Variants in RAB11FIP3 observed in about 807,000 individuals in gnomAD.
RAB11FIP3 encodes RAB11 family interacting protein 3, also known as rab11 family-interacting protein 3.
A neutral mutation model predicts 77.8 loss-of-function variants in RAB11FIP3; 17 were observed. The observed-to-expected ratio is 0.22, with a 90% CI of 0.15 to 0.33. The LOEUF (loss-of-function observed/expected upper bound fraction) is 0.33, where lower values mean the gene tolerates loss of function less well. Among genes scored for constraint, RAB11FIP3 ranks in the 10% least tolerant of loss-of-function variants. The pLI is 1.00. For synonymous variants in RAB11FIP3, 437 were observed against 448.2 expected (o/e 0.98, Z 0.31); for missense variants, 1,005 against 1,011.2 (o/e 0.99, Z 0.08).
chr16:493,563 C>T (rs977932345), intron 5 of RAB11FIP3, among the ~76,000 whole-genome samples: 12 of 152,154 alleles, frequency 7.9e-5, no homozygotes, highest in African/African-American at 2.9e-4. Context: ...AAATACATTT[C>T]ATTTTGTAGG....
chr16:467,938 A>T (rs371358338), intron 2 of RAB11FIP3, among the ~76,000 whole-genome samples: 100 of 12,998 alleles, frequency 7.7e-3, no homozygotes, highest in Admixed American at 0.014. Context: ...GAGGAGGTGC[A>T]GGGGCGTCAG....
rs201535149 is a variant in RAB11FIP3, at chr16:496,819, C to T, written c.1266-5C>T. Reference sequence around the variant, plus strand: ...ATTTTCCTGTTTATTTTGTTTTCTGCACAGTCCGACAAAGCGGCTCTCCAG... The same window carrying T: ...ATTTTCCTGTTTATTTTGTTTTCTGTACAGTCCGACAAAGCGGCTCTCCAG... On this transcript the variant is annotated splice_polypyrimidine_tract_variant and splice_region_variant and intron_variant, in intron 5 of 13. Transcript: ENST00000262305. 3.4e-5 allele frequency: 54 copies of T among 1,591,344 alleles called. No homozygotes were observed. The highest frequency in any genetic ancestry group is 4.5e-5 in the Non-Finnish European group (52 of 1,159,642).
At chr16:484,156 C>T (rs962814955) in intron 4 of RAB11FIP3, among the ~76,000 whole-genome samples, 2 of 152,140 alleles carry the variant, frequency 1.3e-5, no homozygotes, top group African/African-American at 2.4e-5. Flanking sequence ...AAGTGCACAG[C>T]CAGCAGGTTT....
intron 1 of RAB11FIP3, among the ~76,000 whole-genome samples, chr16:441,543 A>T (rs1431995780): frequency 6.6e-6 from 1 of 152,146 alleles, no homozygotes; most frequent in African/African-American, 2.4e-5. Flanking sequence ...AACAGTCATA[A>T]AATAATCGCT....
intron 9 of RAB11FIP3, among the ~76,000 whole-genome samples, chr16:512,530 G>A (rs1176092964): frequency 3.5e-5 from 5 of 143,988 alleles, no homozygotes; most frequent in African/African-American, 5.2e-5. Context: ...ATGAGCCATC[G>A]CGCCCGGCCT....
intron 6 of RAB11FIP3, among the ~76,000 whole-genome samples, chr16:498,549 C>T (rs886687671): frequency 5.9e-5 from 9 of 152,114 alleles, no homozygotes; most frequent in Non-Finnish European, 1.3e-4. Flanking sequence ...CAGTCTTGCT[C>T]TGTCTTGCTC....
At chr16:473,354 G>A (rs577856026) in intron 3 of RAB11FIP3, among the ~76,000 whole-genome samples, 2 of 152,144 alleles carry the variant, frequency 1.3e-5, no homozygotes, top group Non-Finnish European at 2.9e-5. Context: ...AAATGAATAT[G>A]CTTCATGTTT....
intron 1 of RAB11FIP3, among the ~76,000 whole-genome samples, chr16:447,477 A>G (rs1286619294): frequency 6.6e-6 from 1 of 152,032 alleles, no homozygotes; most frequent in Non-Finnish European, 1.5e-5. Flanking sequence ...AGTGGCTCAC[A>G]CCTGTAATCC....
At chr16:449,743 G>T (rs914417803) in intron 1 of RAB11FIP3, among the ~76,000 whole-genome samples, 14 of 151,860 alleles carry the variant, frequency 9.2e-5, no homozygotes, top group African/African-American at 3.4e-4. Flanking sequence ...CTTGAGGTCA[G>T]GAGTTTGAGA....
Position 514,694 on chromosome 16 carries a change from C to T in RAB11FIP3, c.1640+3894C>T, listed in dbSNP as rs1261000749. On this transcript the variant is annotated intron_variant, in intron 9 of 13. Coordinates refer to ENST00000262305, the MANE Select transcript of RAB11FIP3 (RefSeq NM_014700.4). The surrounding 1 kb of genome is among the most constrained non-coding windows in gnomAD (Gnocchi z 4.6). ...GCCCGGGAGAGGTTCTAGGAAAGGCCAGGTACCTCTGGGAGTGGGGCCCCC... is the reference window on the plus strand; with the variant it reads ...GCCCGGGAGAGGTTCTAGGAAAGGCTAGGTACCTCTGGGAGTGGGGCCCCC... Among the ~76,000 whole-genome samples, 1 of 152,204 alleles carries T rather than the reference C, an allele frequency of 6.6e-6. No individual in the cohort carries two copies. Among genetic ancestry groups the T allele is most frequent in the Non-Finnish European group, 1.5e-5 (1 of 68,036 alleles).
chr16:492,360 T>TCCCGGGAGACCCGAGGCCGTCCAGAGCC lies in RAB11FIP3; in HGVS notation c.1265+3361_1265+3362insCCGGGAGACCCGAGGCCGTCCAGAGCCC. Among the ~76,000 whole-genome samples, 12 of 25,634 alleles carry TCCCGGGAGACCCGAGGCCGTCCAGAGCC rather than the reference T, an allele frequency of 4.7e-4. 1 individual carries two copies. Among genetic ancestry groups the TCCCGGGAGACCCGAGGCCGTCCAGAGCC allele is most frequent in the Middle Eastern group, 0.021 (1 of 48 alleles). 16.8% of individuals were successfully genotyped at this position (25,634 alleles called of 152,430 possible). A position where few individuals can be genotyped will look rare whatever the true frequency, so the allele number is the denominator to read the frequency against. On this transcript the variant is annotated intron_variant, in intron 5 of 13. Coordinates refer to ENST00000262305, the MANE Select transcript of RAB11FIP3 (RefSeq NM_014700.4). ...AAGCAGAAGTGCTCTTTGAAGAGGG[T>TCCCGGGAGACCCGAGGCCGTCCAGAGCC]CTTCCCGGGAGACCCGAGGCCGCCC...
chr16:457,052 G>A (rs746131151), intron 1 of RAB11FIP3, among the ~76,000 whole-genome samples: 1 of 152,040 alleles, frequency 6.6e-6, no homozygotes, highest in Non-Finnish European at 1.5e-5. Flanking sequence ...GCTTATTATT[G>A]CTGTGGTTTC....
At chr16:497,319 T>C (rs1054625273) in intron 6 of RAB11FIP3, 16 of 1,304,136 alleles carry the variant, frequency 1.2e-5, no homozygotes, top group Admixed American at 1.1e-4. Context: ...GGCTTCCTGC[T>C]GTGAAAGATG....
chr16:500,401 AG>A (rs1399581514), intron 6 of RAB11FIP3, among the ~76,000 whole-genome samples: 1 of 152,116 alleles, frequency 6.6e-6, no homozygotes, highest in African/African-American at 2.4e-5. Flanking sequence ...AAGCAGCCCC[AG>A]CCGGACGCGG....
At chr16:491,646 G>A (rs1387830395) in intron 5 of RAB11FIP3, among the ~76,000 whole-genome samples, 1 of 152,254 alleles carries the variant, frequency 6.6e-6, no homozygotes, top group African/African-American at 2.4e-5. Context: ...CAGCTTTCAG[G>A]ATTGTCAGTT....
chr16:440,493 C>T (rs547232041), intron 1 of RAB11FIP3, among the ~76,000 whole-genome samples: 7 of 152,294 alleles, frequency 4.6e-5, no homozygotes, highest in African/African-American at 1.4e-4. Context: ...TCTTGCTCTG[C>T]CTACCTTCCC....
Position 506,707 on chromosome 16 carries a change from T to C in RAB11FIP3, c.1499+1080T>C, listed in dbSNP as rs2141871009. Among the ~76,000 whole-genome samples, 1 of 152,358 alleles carries C rather than the reference T, an allele frequency of 6.6e-6. No homozygotes were observed. Among genetic ancestry groups the C allele is most frequent in the East Asian group, 1.9e-4 (1 of 5,182 alleles). On this transcript the variant is annotated intron_variant, in intron 8 of 13. Transcript: ENST00000262305. The surrounding 1 kb of genome is among the most constrained non-coding windows in gnomAD (Gnocchi z 4.5). The stretch of plus-strand genomic sequence containing the variant: ...GGAATGCCTCATGGGATTGTGGGCA[T>C]AACTTGCACATCATTTTAATTCTAA...
Position 458,103 on chromosome 16 carries a change from C to T in RAB11FIP3, c.715-3301C>T, listed in dbSNP as rs533135163. 1.5e-4 allele frequency among the ~76,000 whole-genome samples: 23 copies of T among 152,320 alleles called. No individual in the cohort carries two copies. In the East Asian group the frequency reaches 4.4e-3, roughly 29 times the overall value. On this transcript the variant is annotated intron_variant, in intron 1 of 13. Coordinates refer to ENST00000262305, the MANE Select transcript of RAB11FIP3 (RefSeq NM_014700.4). ...GCTCAGGAATTCCACACTGTGGGGT[C>T]CCTTAGCTGGGGCTGGCCCTGTTTG...
At chr16:433,028 C>CTTT (rs920883186) in intron 1 of RAB11FIP3, among the ~76,000 whole-genome samples, 3 of 40,884 alleles carry the variant, frequency 7.3e-5, no homozygotes, top group African/African-American at 1.0e-4. Flanking sequence ...CCATATTTAT[C>CTTT]TTTTTTTTTT....
Sources: gnomAD v4.1 joint callset for allele counts (sites outside exome capture counted in the v4.1 genomes callset) on GRCh38, gnomAD v4.1.1 for gene constraint, Gnocchi (gnomAD v3.1) non-coding constraint, MANE v1.5 for transcripts, NCBI Gene and HGNC (gene_info 2026-07-23, HGNC 2026-07-21) for gene names.